SOBP: variants seen among roughly 807,000 people sequenced by gnomAD.
SOBP encodes sine oculis binding protein homolog, also known as sine oculis-binding protein homolog.
SOBP carries 4 observed loss-of-function variants against 53.6 expected under a neutral mutation model. The observed-to-expected ratio is 0.07, with a 90% CI of 0.04 to 0.17. The LOEUF is 0.17. SOBP is among the 10% of genes least tolerant of loss of function. The pLI is 1.00. For missense variants in SOBP, 1,088 were observed against 1,204.7 expected (o/e 0.90, Z 1.43); for synonymous variants, 584 against 522.6 (o/e 1.12, Z -1.60).
intron 6 of SOBP, among the ~76,000 whole-genome samples, chr6:107,647,820 G>T (rs1190577913): frequency 6.6e-6 from 1 of 151,978 alleles, no homozygotes; most frequent in Non-Finnish European, 1.5e-5. Context: ...TGCCACCCAC[G>T]GCATGGCTTC....
chr6:107,575,864 C>T (rs541263892), intron 4 of SOBP, among the ~76,000 whole-genome samples: 3 of 152,218 alleles, frequency 2.0e-5, no homozygotes, highest in East Asian at 1.9e-4. Flanking sequence ...CAAATTCTGC[C>T]GAAATGATTA....
At chr6:107,503,852 G>T in intron 2 of SOBP, 57 bp downstream of exon 2, 1 of 1,602,824 alleles carries the variant, frequency 6.2e-7, no homozygotes, top group Non-Finnish European at 8.5e-7. Context: ...ATCTCAACCT[G>T]CCAGAATTGA....
intron 5 of SOBP, among the ~76,000 whole-genome samples, chr6:107,605,178 G>T (rs1786327236): frequency 1.3e-5 from 2 of 152,104 alleles, no homozygotes; most frequent in Admixed American, 1.3e-4. Context: ...TTTCGCCTTT[G>T]TTCTCATATA....
intron 6 of SOBP, among the ~76,000 whole-genome samples, chr6:107,650,253 G>A (rs995327766): frequency 1.3e-5 from 2 of 152,188 alleles, no homozygotes; most frequent in South Asian, 4.1e-4. Context: ...ATTCAGACCA[G>A]AGCCTAACAC....
chr6:107,549,562 T>A (rs1784406719), intron 4 of SOBP, among the ~76,000 whole-genome samples: 5 of 152,238 alleles, frequency 3.3e-5, no homozygotes, highest in African/African-American at 7.2e-5. Flanking sequence ...TAGAACTTTA[T>A]ATTTCCTTTC....
At chr6:107,561,221 C>T (rs1029479274) in intron 4 of SOBP, among the ~76,000 whole-genome samples, 1 of 152,066 alleles carries the variant, frequency 6.6e-6, no homozygotes, top group Non-Finnish European at 1.5e-5. Context: ...TTCAGCTAAA[C>T]TTGTACTGGA....
chr6:107,492,017 C>A (rs1782593076), intron 1 of SOBP, among the ~76,000 whole-genome samples: 1 of 152,116 alleles, frequency 6.6e-6, no homozygotes, highest in Admixed American at 6.5e-5. Context: ...ACCTAAATAT[C>A]AGAATTAGGG....
chr6:107,573,262 G>A (rs756019023), intron 4 of SOBP, among the ~76,000 whole-genome samples: 6 of 152,012 alleles, frequency 3.9e-5, no homozygotes, highest in Non-Finnish European at 8.8e-5. Context: ...GGGATGCTGG[G>A]CATACCCTTA....
chr6:107,537,878 C>A (rs868244003), intron 4 of SOBP, among the ~76,000 whole-genome samples: 3 of 150,488 alleles, frequency 2.0e-5, no homozygotes, highest in Non-Finnish European at 4.4e-5. Context: ...TGTGGTTCCC[C>A]AGCAGATCAC....
Position 107,490,416 on chromosome 6 carries a change from A to C in SOBP, c.-201A>C. Reference sequence around the variant, plus strand: ...CGCACTATCCTTACCCGTGACAGCCACTGACGTCCTCCGCCGCTAGAAGAG... The same window carrying C: ...CGCACTATCCTTACCCGTGACAGCCCCTGACGTCCTCCGCCGCTAGAAGAG... On this transcript the variant is annotated 5_prime_UTR_variant, in exon 1 of 7. Coordinates refer to ENST00000317357, the MANE Select transcript of SOBP (RefSeq NM_018013.4). 1 of 494,498 alleles carries C rather than the reference A, an allele frequency of 2.0e-6. No individual in the cohort carries two copies. The highest frequency in any genetic ancestry group is 3.7e-6 in the Non-Finnish European group (1 of 273,922). The allele number at this position is 494,498 out of a possible 1,614,324, so 30.6% of individuals were successfully genotyped here. A position where few individuals can be genotyped will look rare whatever the true frequency, so the allele number is the denominator to read the frequency against.
In SOBP at chr6:107,490,630, A is replaced by G; in HGVS notation, c.14A>G (p.Glu5Gly). MAEM[E>G]KEGRPPENKR... ...AGACACAAAAACATGGCAGAAATGG[A>G]GAAAGAAGGGAGACCTCCCGAAAAT... Residue 5 changes from glutamate to glycine, a missense_variant, in exon 1 of 7, where the codon GAG becomes GGG. Physicochemically the swap from Glu to Gly is moderately conservative, Grantham distance 98. This residue lies in a region of SOBP where 37 missense variants were observed against 37.8 expected (regional missense o/e 0.98). Transcript: ENST00000317357. 5.0e-6 allele frequency: 8 copies of G among 1,605,352 alleles called. No individual in the cohort carries two copies. The highest frequency in any genetic ancestry group is 6.8e-6 in the Non-Finnish European group (8 of 1,175,338).
At chr6:107,545,405 T>C (rs548899672) in intron 4 of SOBP, among the ~76,000 whole-genome samples, 3 of 152,256 alleles carry the variant, frequency 2.0e-5, no homozygotes, top group Non-Finnish European at 2.9e-5. Flanking sequence ...GAGAACAGCA[T>C]GTTTGCTGGC....
intron 6 of SOBP, among the ~76,000 whole-genome samples, chr6:107,638,893 TTTTTA>T (rs139878432): frequency 0.17 from 25,529 of 151,798 alleles, 2,518 homozygotes; most frequent in South Asian, 0.32. Context: ...TATTTTATTA[TTTTTA>T]TTTTATTTTA....
chr6:107,530,207 T>C (rs1365757124), intron 3 of SOBP, among the ~76,000 whole-genome samples: 1 of 152,212 alleles, frequency 6.6e-6, no homozygotes, highest in Admixed American at 6.5e-5. Context: ...AGAAATATTT[T>C]TTTAAGTAGA....
chr6:107,506,497 T>G, intron 3 of SOBP, 70 bp downstream of exon 3: 1 of 1,548,178 alleles, frequency 6.5e-7, no homozygotes, highest in Non-Finnish European at 8.9e-7. Context: ...TAGGAATAAT[T>G]ATTAAATGCT....
intron 4 of SOBP, among the ~76,000 whole-genome samples, chr6:107,566,465 A>C (rs1018196259): frequency 9.2e-5 from 14 of 152,336 alleles, no homozygotes; most frequent in African/African-American, 3.1e-4. Flanking sequence ...AGAAGATGTT[A>C]CTGTGTATTT....
At chr6:107,502,400 A>T (rs1782866064) in intron 1 of SOBP, among the ~76,000 whole-genome samples, 1 of 152,198 alleles carries the variant, frequency 6.6e-6, no homozygotes, top group Non-Finnish European at 1.5e-5. Flanking sequence ...TGTTTAAGGC[A>T]CACATAAGCA....
At chr6:107,502,127 G>A (rs922752842) in intron 1 of SOBP, among the ~76,000 whole-genome samples, 3 of 152,174 alleles carry the variant, frequency 2.0e-5, no homozygotes, top group African/African-American at 7.2e-5. Context: ...GTAGTGTAAT[G>A]TCTTTTATTT....
At chr6:107,638,662 G>C (rs1253013867) in intron 6 of SOBP, among the ~76,000 whole-genome samples, 1 of 152,202 alleles carries the variant, frequency 6.6e-6, no homozygotes, top group Non-Finnish European at 1.5e-5. Context: ...CTGGTGACAA[G>C]TTAAAAGCCA....
Sources: gnomAD v4.1 joint callset for allele counts (sites outside exome capture counted in the v4.1 genomes callset) on GRCh38, gnomAD v4.1.1 for gene constraint, gnomAD v4.1.1 regional missense constraint, MANE v1.5 for transcripts, NCBI Gene and HGNC (gene_info 2026-07-23, HGNC 2026-07-21) for gene names.